Variants in KNOP1 observed in about 807,000 individuals in gnomAD.
KNOP1 encodes the protein lysine rich nucleolar protein 1, also known as lysine-rich nucleolar protein 1.
KNOP1 carries 20 observed loss-of-function variants against 30.6 expected under a neutral mutation model. The ratio of observed to expected loss-of-function variants is 0.65; its 90% CI spans 0.46 to 0.95. KNOP1 has a LOEUF of 0.95. KNOP1 is among the 40% of genes least tolerant of loss of function. KNOP1 has a pLI of 0.00. For synonymous variants in KNOP1, 204 were observed against 210.0 expected (o/e 0.97, Z 0.25); for missense variants, 540 against 562.0 (o/e 0.96, Z 0.40).
chr16:19,711,321 C>T, intron 3 of KNOP1, 51 bp downstream of exon 3: 2 of 1,582,892 alleles, frequency 1.3e-6, no homozygotes, highest in Non-Finnish European at 1.7e-6. Context: ...AGTGAGACTC[C>T]AAGGGTGGCA....
rs548577035 is a variant in KNOP1 at position 19,711,675 on chromosome 16, G to A, written c.919-235C>T. 6 of 548,296 alleles carry A rather than the reference G, an allele frequency of 1.1e-5. No individual in the cohort carries two copies. The East Asian group carries it at 1.6e-4, about 14-fold the overall frequency. 34.0% of individuals were successfully genotyped at this position (548,296 alleles called of 1,614,324 possible). A position where few individuals can be genotyped will look rare whatever the true frequency, so the allele number is the denominator to read the frequency against. On this transcript the variant is annotated intron_variant, in intron 2 of 4. Transcript: ENST00000219837. ...ACTATTTGACGGATGAAGAAACTGA[G>A]ACTCAGACAGGTAAAGTGACTACAA...
At chr16:19,715,744 G>T (rs902938562) in intron 1 of KNOP1, among the ~76,000 whole-genome samples, 4 of 152,000 alleles carry the variant, frequency 2.6e-5, no homozygotes, top group Admixed American at 2.6e-4. Flanking sequence ...TTTAAAATTT[G>T]AAGTTGATTG....
Position 19,704,207 on chromosome 16 carries a change from T to G in KNOP1, c.*2703A>C, listed in dbSNP as rs1976271041. 1 of 151,678 alleles carries G rather than the reference T, an allele frequency of 6.6e-6. No homozygotes were observed. The highest frequency in any genetic ancestry group is 1.5e-5 in the Non-Finnish European group (1 of 68,034). 9.4% of individuals were successfully genotyped at this position (151,678 alleles called of 1,614,324 possible). A position where few individuals can be genotyped will look rare whatever the true frequency, so the allele number is the denominator to read the frequency against. ...TCAAGCGATTCTCCTGTCAGCCTCCTGAGTAGCCGGGATTACAAGCCCGTG... is the reference window on the plus strand; with the variant it reads ...TCAAGCGATTCTCCTGTCAGCCTCCGGAGTAGCCGGGATTACAAGCCCGTG... On this transcript the variant is annotated 3_prime_UTR_variant, in exon 5 of 5. Coordinates refer to ENST00000219837, the MANE Select transcript of KNOP1 (RefSeq NM_001012991.3).
rs1027406907 is a variant in KNOP1, at chr16:19,706,655, G to A, written c.*255C>T. ...CAGTTCATCCAAGCCCATCAATATA[G>A]TTGTCCTCGTCCTTAATCTCCACAG... On this transcript the variant is annotated 3_prime_UTR_variant, in exon 5 of 5. Coordinates refer to ENST00000219837, the MANE Select transcript of KNOP1 (RefSeq NM_001012991.3). The A allele has an allele frequency of 2.4e-5, 11 of 463,546 alleles. No homozygotes were observed. In the South Asian group the frequency reaches 2.4e-4, roughly 10 times the overall value. 28.7% of individuals were successfully genotyped at this position (463,546 alleles called of 1,614,324 possible). A position where few individuals can be genotyped will look rare whatever the true frequency, so the allele number is the denominator to read the frequency against.
At chr16:19,713,702 C>T (rs1460200573) in intron 2 of KNOP1, among the ~76,000 whole-genome samples, 1 of 152,172 alleles carries the variant, frequency 6.6e-6, no homozygotes, top group Non-Finnish European at 1.5e-5. Flanking sequence ...TGTGATGATA[C>T]TCAGATAGCT....
intron 4 of KNOP1, among the ~76,000 whole-genome samples, chr16:19,709,260 C>A (rs556468679): frequency 6.6e-6 from 1 of 152,330 alleles, no homozygotes; most frequent in East Asian, 1.9e-4. Context: ...GAAATCAGAT[C>A]TTTTGATCCG....
At chr16:19,716,087 T>C (rs762570956) in intron 1 of KNOP1, among the ~76,000 whole-genome samples, 5 of 152,220 alleles carry the variant, frequency 3.3e-5, no homozygotes, top group Non-Finnish European at 5.9e-5. Flanking sequence ...GAGCCAGGCC[T>C]GAGCTACAGG....
intron 1 of KNOP1, 106 bp downstream of exon 1, chr16:19,718,052 A>G: frequency 2.1e-6 from 3 of 1,404,994 alleles, no homozygotes; most frequent in Non-Finnish European, 2.8e-6. Context: ...GGTCGGATTC[A>G]GGGATGTGGG....
At position 19,710,584 on chromosome 16, in the gene KNOP1, C is replaced by T; in HGVS notation, c.990G>A (p.Val330=). Residue 330 remains valine, a splice_region_variant and synonymous_variant, in exon 4 of 5, where the codon GTG becomes GTA. Coordinates refer to ENST00000219837, the MANE Select transcript of KNOP1 (RefSeq NM_001012991.3). ...GNMDEAHIDQ[V]RRKALQEEID... ...TCTCTTCTTGCAAGGCCTTTCGCCT[C>T]ACCTGAGCAAGAAGGATGACAGAAG... The T allele has an allele frequency of 6.2e-7, 1 of 1,611,980 alleles. No individual in the cohort carries two copies. Among genetic ancestry groups the T allele is most frequent in the Non-Finnish European group, 8.5e-7 (1 of 1,179,812 alleles).
At position 19,710,513 on chromosome 16, in the gene KNOP1, C is replaced by T. The variant is rs1432620266; in HGVS notation, c.1061G>A (p.Trp354Ter). The T allele has an allele frequency of 1.9e-6, 3 of 1,613,052 alleles. No individual in the cohort carries two copies. Among genetic ancestry groups the T allele is most frequent in the Non-Finnish European group, 2.5e-6 (3 of 1,180,022 alleles). The change falls in exon 4 of 5, where the codon TGG becomes TAG. Residue 354 changes from tryptophan (W) to a stop codon, truncating the protein, a stop_gained. Transcript: ENST00000219837. LOFTEE classifies it high-confidence loss of function. ...GAGCCCTAGCCCCAAACTTACCGTC[C>T]ACTTCCTGGTTTCAGAAGCTTCCGT... ...GKTEASETRK[W>*]TGTQFGQWDT...
chr16:19,709,013 G>A (rs1261075064), intron 4 of KNOP1, among the ~76,000 whole-genome samples: 1 of 152,148 alleles, frequency 6.6e-6, no homozygotes, highest in Admixed American at 6.5e-5. Context: ...CAGCCCCCCG[G>A]GACATCGGCT....
At position 19,714,633 on chromosome 16, in the gene KNOP1, G is replaced by A. The variant is rs763134157; in HGVS notation, c.403C>T (p.Pro135Ser). Reference protein sequence around the residue: ...HASGVKTSPDPRQGEEETRVG... With the variant: ...HASGVKTSPDSRQGEEETRVG... ...CTGGTTTCCTCCTCACCCTGTCTAG[G>A]GTCTGGGGAGGTTTTCACCCCAGAG... Residue 135 changes from proline (P) to serine (S), a missense_variant, in exon 2 of 5, where the codon CCT (proline) becomes TCT (serine). By Grantham distance (74) the Pro-to-Ser change is moderately conservative. Coordinates refer to ENST00000219837, the MANE Select transcript of KNOP1 (RefSeq NM_001012991.3). 5 of 1,614,000 alleles carry A rather than the reference G, an allele frequency of 3.1e-6. No individual in the cohort carries two copies. Among genetic ancestry groups the A allele is most frequent in the Non-Finnish European group, 3.4e-6 (4 of 1,179,996 alleles).
chr16:19,710,306 G>C, intron 4 of KNOP1: 2 of 632,716 alleles, frequency 3.2e-6, no homozygotes. Flanking sequence ...AGCTCTCTAG[G>C]AGGGAGGCAA....
intron 2 of KNOP1, among the ~76,000 whole-genome samples, chr16:19,713,142 C>A (rs981569155): frequency 5.9e-5 from 9 of 152,054 alleles, no homozygotes; most frequent in African/African-American, 2.2e-4. Flanking sequence ...GTCACCCAGG[C>A]TGGAGTGCAG....
At chr16:19,709,242 C>T (rs1005643139) in intron 4 of KNOP1, among the ~76,000 whole-genome samples, 9 of 152,176 alleles carry the variant, frequency 5.9e-5, no homozygotes, top group Non-Finnish European at 1.2e-4. Flanking sequence ...AGTGGCAGAG[C>T]CAGTAGTGAA....
chr16:19,711,634 AAAACAGTAGTACT>A (rs1231853186), intron 2 of KNOP1, among the ~76,000 whole-genome samples, 194 bp from the exon 3 acceptor site: 1 of 152,134 alleles, frequency 6.6e-6, no homozygotes, highest in Non-Finnish European at 1.5e-5. Context: ...ATTCTCCCGC[AAAACAGTAGTACT>A]AAACTATTTG....
intron 2 of KNOP1, among the ~76,000 whole-genome samples, chr16:19,713,852 G>C (rs1365970606): frequency 6.6e-6 from 1 of 152,136 alleles, no homozygotes; most frequent in African/African-American, 2.4e-5. Context: ...AAACTTGGGT[G>C]GTTTCAGTAG....
chr16:19,707,273 C>T, intron 4 of KNOP1, 52 bp from the exon 5 acceptor site: 1 of 1,498,674 alleles, frequency 6.7e-7, no homozygotes, highest in Non-Finnish European at 9.2e-7. Context: ...AAGCCCTTTC[C>T]TTCCCTTGAC....
chr16:19,711,393 C>T lies in KNOP1; in HGVS notation c.966G>A (p.Met322Ile). ...LEVVLEKKGN[M>I]DEAHIDQVRR... ...GTACCTGGTCTATGTGCGCCTCATC[C>T]ATGTTGCCTTTTTTTTCCAACACCA... Residue 322 changes from methionine (M) to isoleucine (I), a missense_variant, in exon 3 of 5, where the codon ATG becomes ATA. Physicochemically the swap from Met to Ile is conservative, Grantham distance 10. Transcript: ENST00000219837. 6.2e-7 allele frequency: 1 copy of T among 1,614,172 alleles called. No individual in the cohort carries two copies. The highest frequency in any genetic ancestry group is 8.5e-7 in the Non-Finnish European group (1 of 1,180,036).
Sources: allele counts gnomAD v4.1 joint callset (sites outside exome capture counted in the v4.1 genomes callset), GRCh38; gene constraint gnomAD v4.1.1; transcripts MANE v1.5; gene names NCBI Gene and HGNC (gene_info 2026-07-23, HGNC 2026-07-21).